The following KSR1 variants were observed in gnomAD, a reference collection of about 807,000 sequenced individuals.
KSR1 encodes the protein kinase suppressor of ras.
A neutral mutation model predicts 92.9 loss-of-function variants in KSR1; 35 were observed. The ratio of observed to expected loss-of-function variants is 0.38; its 90% confidence interval spans 0.29 to 0.50. The LOEUF (loss-of-function observed/expected upper bound fraction) is 0.50. KSR1 is among the 20% of genes least tolerant of loss of function. The probability of loss-of-function intolerance (pLI) is 0.94; values close to 1 mark genes in which losing one functional copy is unlikely to be tolerated. For synonymous variants in KSR1, 467 were observed against 472.6 expected (o/e 0.99, Z 0.15); for missense variants, 972 against 1,158.5 (o/e 0.84, Z 2.34).
intron 1 of KSR1, among the ~76,000 whole-genome samples, chr17:27,537,051 G>T (rs1359828909): frequency 6.6e-6 from 1 of 152,212 alleles, no homozygotes; most frequent in Non-Finnish European, 1.5e-5. Flanking sequence ...AGGAGCGGGG[G>T]CTCCCCCACC....
chr17:27,526,508 C>T lies in KSR1; in HGVS notation c.232-24060C>T, dbSNP rs191800697. 944 of 1,604,114 alleles carry T rather than the reference C, an allele frequency of 5.9e-4. 7 individuals are homozygous for T. The African/African-American group carries it at 0.011, about 19-fold the overall frequency. On this transcript the variant is annotated intron_variant, in intron 1 of 20. Transcript: ENST00000644974. ...AGAACTTCATTTTTATCCTGTGTTCCTCCTCTGCCATCTCACACTCTCGCT... is the reference window on the plus strand; with the variant it reads ...AGAACTTCATTTTTATCCTGTGTTCTTCCTCTGCCATCTCACACTCTCGCT...
chr17:27,475,219 T>C (rs894065137), intron 1 of KSR1, among the ~76,000 whole-genome samples: 8 of 151,872 alleles, frequency 5.3e-5, no homozygotes, highest in African/African-American at 1.9e-4. Context: ...GCATGACATT[T>C]AGGGAGGTGC....
Position 27,517,462 on chromosome 17 carries a change from A to G in KSR1, c.232-33106A>G, listed in dbSNP as rs530949198. On this transcript the variant is annotated intron_variant, in intron 1 of 20. Transcript: ENST00000644974. ...CACACCACCATGCCTGGCTAATTTT[A>G]TACTTTTAGTAGAGATGGGGTTTTG... Among the ~76,000 whole-genome samples, 16 of 152,074 alleles carry G rather than the reference A, an allele frequency of 1.1e-4. No individual in the cohort carries two copies. The East Asian group carries it at 2.9e-3, about 28-fold the overall frequency.
chr17:27,597,564 G>C (rs950044461), intron 10 of KSR1, 128 bp downstream of exon 10: 7 of 1,010,792 alleles, frequency 6.9e-6, no homozygotes, highest in Non-Finnish European at 9.9e-6. Context: ...TGAAGTACTT[G>C]TCCGGCGCCC....
At chr17:27,482,672 C>T (rs1027014099) in intron 1 of KSR1, among the ~76,000 whole-genome samples, 1 of 152,106 alleles carries the variant, frequency 6.6e-6, no homozygotes, top group Non-Finnish European at 1.5e-5. Flanking sequence ...TTAAAAACAG[C>T]AAACATTTGC....
intron 1 of KSR1, among the ~76,000 whole-genome samples, chr17:27,518,246 C>T (rs1017526051): frequency 2.6e-5 from 4 of 152,070 alleles, no homozygotes; most frequent in African/African-American, 9.7e-5. Context: ...AACAAGGCCC[C>T]AGAGGTGTGA....
At chr17:27,605,287 A>C in intron 13 of KSR1, 147 bp from the exon 14 acceptor site, 2 of 999,184 alleles carry the variant, frequency 2.0e-6, no homozygotes, top group Non-Finnish European at 2.9e-6. Context: ...GCTGCACAGC[A>C]GGCCAGTGCA....
chr17:27,503,569 C>T (rs2069268099), intron 1 of KSR1, among the ~76,000 whole-genome samples: 1 of 152,186 alleles, frequency 6.6e-6, no homozygotes, highest in Non-Finnish European at 1.5e-5. Flanking sequence ...TTAACTCCTG[C>T]TCAAATCCTG....
chr17:27,554,075 G>GT (rs1307544950), intron 2 of KSR1, among the ~76,000 whole-genome samples: 2 of 152,198 alleles, frequency 1.3e-5, no homozygotes, highest in Non-Finnish European at 2.9e-5. Context: ...AATTGGCTCT[G>GT]TAAGTTCTGC....
chr17:27,617,164 CA>C, intron 18 of KSR1, 130 bp from the exon 19 acceptor site: 1 of 931,538 alleles, frequency 1.1e-6, no homozygotes, highest in Non-Finnish European at 1.5e-6. Flanking sequence ...TTCATGTCGG[CA>C]GGGTGTTCAG....
intron 2 of KSR1, among the ~76,000 whole-genome samples, chr17:27,569,345 A>C (rs1300246140): frequency 6.6e-6 from 1 of 152,144 alleles, no homozygotes; most frequent in African/African-American, 2.4e-5. Context: ...CTGGTTTTAG[A>C]AATGTGTGTT....
chr17:27,517,143 T>G (rs1567784059), intron 1 of KSR1, among the ~76,000 whole-genome samples: 2 of 152,182 alleles, frequency 1.3e-5, no homozygotes, highest in African/African-American at 2.4e-5. Flanking sequence ...CTGAAAAGAT[T>G]AACTGAGATC....
chr17:27,575,134 G>C (rs547548832), intron 2 of KSR1, among the ~76,000 whole-genome samples: 1 of 152,326 alleles, frequency 6.6e-6, no homozygotes, highest in East Asian at 1.9e-4. Context: ...TGAGTCCACA[G>C]AATAAAATGA....
chr17:27,554,385 A>C (rs9890876), intron 2 of KSR1, among the ~76,000 whole-genome samples: 7 of 152,206 alleles, frequency 4.6e-5, no homozygotes, highest in African/African-American at 1.7e-4. Flanking sequence ...CCTCTTAGGA[A>C]CTGGGCCACA....
intron 15 of KSR1, 125 bp downstream of exon 15, chr17:27,608,135 G>A (rs908529605): frequency 1.1e-5 from 7 of 660,836 alleles, no homozygotes; most frequent in Middle Eastern, 3.2e-4. Context: ...TCTAGCTCAG[G>A]CTCCTCAAGG....
intron 1 of KSR1, among the ~76,000 whole-genome samples, chr17:27,528,248 G>T (rs971996886): frequency 6.6e-6 from 1 of 151,894 alleles, no homozygotes; most frequent in African/African-American, 2.4e-5. Context: ...TGTATTTTTA[G>T]TAGAGAGAGG....
At chr17:27,487,130 G>C (rs541385809) in intron 1 of KSR1, among the ~76,000 whole-genome samples, 1 of 152,302 alleles carries the variant, frequency 6.6e-6, no homozygotes, top group East Asian at 1.9e-4. Flanking sequence ...AGACTGGGTA[G>C]TTTATTTAAG....
intron 1 of KSR1, among the ~76,000 whole-genome samples, chr17:27,491,196 C>T (rs2150961534): frequency 6.6e-6 from 1 of 152,132 alleles, no homozygotes; most frequent in Middle Eastern, 3.4e-3. Context: ...ATGATACTAG[C>T]TCACGGTAGC....
chr17:27,609,149 C>A (rs917402642), intron 15 of KSR1, 47 bp from the exon 16 acceptor site: 46 of 1,582,928 alleles, frequency 2.9e-5, no homozygotes, highest in Non-Finnish European at 3.4e-5. Context: ...CAGGGTGGCA[C>A]CTCCGTCATC....
Sources: allele counts gnomAD v4.1 joint callset (sites outside exome capture counted in the v4.1 genomes callset), GRCh38; gene constraint gnomAD v4.1.1; transcripts MANE v1.5; gene names NCBI Gene and HGNC (gene_info 2026-07-23, HGNC 2026-07-21).